Variants in FAM78B observed in about 807,000 individuals in gnomAD.
The protein encoded by FAM78B is family with sequence similarity 78 member B.
A neutral mutation model predicts 20.0 loss-of-function variants in FAM78B; 10 were observed. The observed-to-expected ratio is 0.50, with a 90% CI of 0.31 to 0.85. FAM78B has a LOEUF of 0.85. Ranked by LOEUF, FAM78B falls within the 40% of genes least tolerant of loss-of-function variation. The pLI is 0.05. For missense variants in FAM78B, 283 were observed against 345.0 expected (o/e 0.82, Z 1.42); for synonymous variants, 135 against 132.8 (o/e 1.02, Z -0.12).
chr1:166,134,523 T>A (rs2101782542), intron 1 of FAM78B, among the ~76,000 whole-genome samples: 1 of 151,092 alleles, frequency 6.6e-6, no homozygotes, highest in Admixed American at 6.6e-5. Flanking sequence ...GTAGTAATAA[T>A]AATAATAATA....
At chr1:166,109,670 A>G (rs1653920494) in intron 1 of FAM78B, among the ~76,000 whole-genome samples, 1 of 151,128 alleles carries the variant, frequency 6.6e-6, no homozygotes, top group Non-Finnish European at 1.5e-5. Context: ...GTATCTACCC[A>G]GAGGAAAAGA....
intron 1 of FAM78B, among the ~76,000 whole-genome samples, chr1:166,160,948 C>A (rs1217409558): frequency 1.3e-5 from 2 of 152,180 alleles, no homozygotes; most frequent in African/African-American, 4.8e-5. Context: ...ACTGTGAGAT[C>A]AGGGATAGCC....
intron 1 of FAM78B, among the ~76,000 whole-genome samples, chr1:166,149,592 C>A (rs1379028897): frequency 2.6e-5 from 4 of 152,206 alleles, no homozygotes; most frequent in Non-Finnish European, 5.9e-5. Context: ...TTGGTTTTCT[C>A]TCATTACATG....
At position 166,100,441 on chromosome 1, in the gene FAM78B, A is replaced by G. The variant is rs368860242; in HGVS notation, c.264-29678T>C. 1.9e-4 allele frequency among the ~76,000 whole-genome samples: 29 copies of G among 152,308 alleles called. 1 individual carries two copies. The East Asian group carries it at 5.2e-3, about 27-fold the overall frequency. On this transcript the variant is annotated intron_variant, in intron 1 of 1. Coordinates refer to ENST00000354422, the MANE Select transcript of FAM78B (RefSeq NM_001017961.5). The stretch of plus-strand genomic sequence containing the variant: ...AAGGGGTCAGGGATTTCCCTTTCCT[A>G]GCCAAGGAAAGGGGTGACAGATGGC...
chr1:166,080,536 C>T (rs907313659), intron 1 of FAM78B, among the ~76,000 whole-genome samples: 1 of 152,214 alleles, frequency 6.6e-6, no homozygotes, highest in Non-Finnish European at 1.5e-5. Context: ...GTTCAGCCTA[C>T]TCTTTAAAGG....
intron 1 of FAM78B, among the ~76,000 whole-genome samples, chr1:166,162,638 T>A (rs755338187): frequency 4.6e-5 from 7 of 152,224 alleles, no homozygotes; most frequent in Non-Finnish European, 7.3e-5. Context: ...AGCTTCTGCA[T>A]ACTCAAGAGG....
At chr1:166,099,752 C>T (rs1316567485) in intron 1 of FAM78B, among the ~76,000 whole-genome samples, 1 of 152,184 alleles carries the variant, frequency 6.6e-6, no homozygotes, top group African/African-American at 2.4e-5. Context: ...ATGTACCTAA[C>T]ACTGAAGCTT....
chr1:166,122,004 A>G (rs1437464354), intron 1 of FAM78B, among the ~76,000 whole-genome samples: 1 of 152,204 alleles, frequency 6.6e-6, no homozygotes, highest in Non-Finnish European at 1.5e-5. Context: ...ATATTCATGA[A>G]CATTTGGGAC....
intron 1 of FAM78B, among the ~76,000 whole-genome samples, chr1:166,109,459 G>C (rs1337459008): frequency 6.6e-6 from 1 of 151,834 alleles, no homozygotes; most frequent in East Asian, 1.9e-4. Context: ...CCACAATGTG[G>C]TATCACCTCA....
In FAM78B at chr1:166,166,102, G is replaced by A; in HGVS notation, c.147C>T (p.Phe49=). 6.2e-7 allele frequency: 1 copy of A among 1,613,268 alleles called. No homozygotes were observed. Among genetic ancestry groups the A allele is most frequent in the East Asian group, 2.2e-5 (1 of 44,830 alleles). Residue 49 remains phenylalanine, a synonymous_variant, in exon 1 of 2, where the codon TTC becomes TTT. Transcript: ENST00000354422. ...GCATGACCACGCGGGCGGAGGCTTT[G>A]AAGTAGGGGGTCTTGTAGCGCAGGA... is the stretch of plus-strand genomic sequence containing the variant. ...PIVLRYKTPY[F]KASARVVMPP...
intron 1 of FAM78B, 79 bp downstream of exon 1, chr1:166,165,907 A>G: frequency 6.5e-7 from 1 of 1,541,498 alleles, no homozygotes; most frequent in East Asian, 2.2e-5. Flanking sequence ...AGTAGGAAGG[A>G]GCTGGGGAGG....
At chr1:166,106,155 G>A (rs10918358) in intron 1 of FAM78B, among the ~76,000 whole-genome samples, 28,665 of 145,376 alleles carry the variant, frequency 0.2, 3,165 homozygotes, top group East Asian at 0.38. Context: ...GAATTGAACA[G>A]TGAGAACACA....
At chr1:166,125,437 G>A (rs561317113) in intron 1 of FAM78B, among the ~76,000 whole-genome samples, 62 of 152,270 alleles carry the variant, frequency 4.1e-4, no homozygotes, top group South Asian at 2.5e-3. Flanking sequence ...CATTAAACAC[G>A]GTCCATCTTC....
chr1:166,106,918 T>C (rs538111542), intron 1 of FAM78B, among the ~76,000 whole-genome samples: 7 of 151,672 alleles, frequency 4.6e-5, no homozygotes, highest in South Asian at 2.1e-4. Context: ...AATAAAAACA[T>C]ATACAAAAGT....
chr1:166,152,060 A>G (rs1238995361), intron 1 of FAM78B, among the ~76,000 whole-genome samples: 1 of 152,210 alleles, frequency 6.6e-6, no homozygotes, highest in Admixed American at 6.5e-5. Context: ...TGAAAAGACA[A>G]ATTTTCTCAA....
At chr1:166,165,918 G>A in intron 1 of FAM78B, 68 bp downstream of exon 1, 8 of 1,590,594 alleles carry the variant, frequency 5.0e-6, no homozygotes, top group Non-Finnish European at 6.9e-6. Context: ...GCTGGGGAGG[G>A]GGGTCAAGGT....
At chr1:166,088,076 C>T (rs1457060837) in intron 1 of FAM78B, among the ~76,000 whole-genome samples, 1 of 152,210 alleles carries the variant, frequency 6.6e-6, no homozygotes, top group Non-Finnish European at 1.5e-5. Flanking sequence ...TGACCCAATT[C>T]TGCTCAAGCT....
At chr1:166,093,428 T>C (rs796234114) in intron 1 of FAM78B, among the ~76,000 whole-genome samples, 2 of 152,290 alleles carry the variant, frequency 1.3e-5, no homozygotes, top group African/African-American at 4.8e-5. Flanking sequence ...GACAGGGCAT[T>C]TGTCTCCTTT....
intron 1 of FAM78B, among the ~76,000 whole-genome samples, chr1:166,148,293 T>C (rs1195986589): frequency 6.6e-6 from 1 of 152,234 alleles, no homozygotes; most frequent in Non-Finnish European, 1.5e-5. Context: ...GTTCAAATTA[T>C]TTGCTGTGCC....
Sources: gnomAD v4.1 joint callset for allele counts (sites outside exome capture counted in the v4.1 genomes callset) on GRCh38, gnomAD v4.1.1 for gene constraint, MANE v1.5 for transcripts, NCBI Gene and HGNC (gene_info 2026-07-23, HGNC 2026-07-21) for gene names.